Variants in IBTK observed in about 807,000 individuals in gnomAD.
The protein encoded by IBTK is BTK-binding protein.
Under a neutral mutation model 154.9 loss-of-function variants are expected in IBTK, and 83 were observed. The ratio of observed to expected loss-of-function variants is 0.54; its 90% confidence interval spans 0.45 to 0.64. The LOEUF (loss-of-function observed/expected upper bound fraction) is 0.64. IBTK is among the 30% of genes least tolerant of loss of function. The pLI, the probability that IBTK is intolerant of heterozygous loss-of-function variation, is 0.00. For synonymous variants in IBTK, 515 were observed against 536.1 expected (o/e 0.96, Z 0.54); for missense variants, 1,332 against 1,584.6 (o/e 0.84, Z 2.71).
At position 82,210,842 on chromosome 6, in the gene IBTK, G is replaced by C; in HGVS notation, c.2481C>G (p.Leu827=). The part of the protein sequence containing the change: ...SDILKVILDY[L]YTDEAVVIKE... ...TTATCACCACAGCTTCATCAGTATA[G>C]AGGTAGTCCAAAATAACTTTTAATA... Residue 827 remains leucine (L), a synonymous_variant, in exon 16 of 29, where the codon CTC becomes CTG. Transcript: ENST00000306270. 1 of 1,563,626 alleles carries C rather than the reference G, an allele frequency of 6.4e-7. No homozygotes were observed. Among genetic ancestry groups the C allele is most frequent in the Non-Finnish European group, 8.7e-7 (1 of 1,149,690 alleles).
intron 1 of IBTK, among the ~76,000 whole-genome samples, chr6:82,242,974 G>A (rs1295848484): frequency 6.6e-6 from 1 of 151,862 alleles, no homozygotes; most frequent in East Asian, 1.9e-4. Flanking sequence ...GGGCACGGTG[G>A]CTCATGCCTG....
At chr6:82,226,290 T>C (rs1459822979) in intron 5 of IBTK, among the ~76,000 whole-genome samples, 1 of 152,092 alleles carries the variant, frequency 6.6e-6, no homozygotes, top group Non-Finnish European at 1.5e-5. Context: ...TGGAACAAAA[T>C]AAACCCTCAA....
intron 2 of IBTK, among the ~76,000 whole-genome samples, chr6:82,239,936 G>C (rs1770878005): frequency 6.6e-6 from 1 of 152,118 alleles, no homozygotes; most frequent in Non-Finnish European, 1.5e-5. Flanking sequence ...TTGGCCAACA[G>C]TTCATTATAT....
At chr6:82,180,385 C>T (rs745741200) in intron 26 of IBTK, among the ~76,000 whole-genome samples, 2 of 152,002 alleles carry the variant, frequency 1.3e-5, no homozygotes, top group African/African-American at 2.4e-5. Flanking sequence ...GCTGGGACTA[C>T]GTGCACATGC....
At chr6:82,200,435 G>A (rs918037199) in intron 20 of IBTK, 152 bp downstream of exon 20, 14 of 781,244 alleles carry the variant, frequency 1.8e-5, no homozygotes, top group East Asian at 8.1e-5. Context: ...AAGAATGAGC[G>A]TAACTACCTA....
In IBTK at chr6:82,213,335, T is replaced by C. The variant is rs111698370; in HGVS notation, c.2205-542A>G. 5.4e-3 allele frequency among the ~76,000 whole-genome samples: 829 copies of C among 152,190 alleles called. 9 individuals carry two copies. Among genetic ancestry groups the C allele is most frequent in the African/African-American group, 0.019 (794 of 41,522 alleles). ...TGAGCCACCGCGCCCGGCCCCTTCA[T>C]TATTTTTAAACAGGAAACACGATAC... On this transcript the variant is annotated intron_variant, in intron 12 of 28. Coordinates refer to ENST00000306270, the MANE Select transcript of IBTK (RefSeq NM_015525.4).
In IBTK at chr6:82,181,854, A is replaced by G. The variant is rs758181381; in HGVS notation, c.3725+25T>C. 7 of 1,459,188 alleles carry G rather than the reference A, an allele frequency of 4.8e-6. No homozygotes were observed. In the Admixed American group the frequency reaches 1.2e-4, roughly 25 times the overall value. The allele number at this position is 1,459,188 out of a possible 1,614,324, so 90.4% of individuals were successfully genotyped here. ...CAGAATATTTTAAGGTAGAAAATGT[A>G]TTAGTTTTAAGTTTGTTTTATTACC... On this transcript the variant is annotated intron_variant, in intron 26 of 28. Transcript: ENST00000306270.
Position 82,214,573 on chromosome 6 carries a change from C to A in IBTK, c.1858G>T (p.Val620Leu), listed in dbSNP as rs1769794439. The change falls in exon 12 of 29, where the codon GTA becomes TTA. Residue 620 changes from valine to leucine, a missense_variant. Val to Leu is a conservative substitution (Grantham distance 32). This residue lies in a region of IBTK where 1,134 missense variants were observed against 1,274.7 expected (regional missense o/e 0.89). Transcript: ENST00000306270. Reference protein sequence around the residue: ...EDSAGCHLFVVEKVHPDMFEY... With the variant: ...EDSAGCHLFVLEKVHPDMFEY... ...AACATGTCAGGATGAACCTTCTCTA[C>A]CACAAAGAGATGGCACCCTGCAGAA... is the stretch of plus-strand genomic sequence containing the variant. 1.2e-6 allele frequency: 2 copies of A among 1,613,896 alleles called. No homozygotes were observed. The highest frequency in any genetic ancestry group is 2.2e-5 in the South Asian group (2 of 91,078).
chr6:82,220,598 C>T lies in IBTK; in HGVS notation c.1240G>A (p.Ala414Thr), dbSNP rs961295892. 6 of 1,610,380 alleles carry T rather than the reference C, an allele frequency of 3.7e-6. No individual in the cohort carries two copies. The highest frequency in any genetic ancestry group is 5.1e-6 in the Non-Finnish European group (6 of 1,178,812). The change falls in exon 9 of 29, where the codon GCT (alanine) becomes ACT (threonine). Residue 414 changes from alanine to threonine, a missense_variant. Around this residue, in one of 3 missense-constraint regions of IBTK, gnomAD observed 1,134 missense variants for 1,274.7 expected, o/e 0.89. Coordinates refer to ENST00000306270, the MANE Select transcript of IBTK (RefSeq NM_015525.4). ...QKICILAMDG[A>T]GRVFCWRSVN... The stretch of plus-strand genomic sequence containing the variant: ...CATAAACATGTACTTACCCTTCCAG[C>T]TCCATCCATTGCAAGAATGCAAATT...
intron 17 of IBTK, 142 bp from the exon 18 acceptor site, chr6:82,202,787 T>A: frequency 5.5e-6 from 3 of 547,782 alleles, no homozygotes; most frequent in Non-Finnish European, 9.6e-6. Context: ...AAGTTAATAC[T>A]GGGGCAAATA....
chr6:82,193,167 A>G (rs1768844930), intron 23 of IBTK, among the ~76,000 whole-genome samples: 1 of 152,062 alleles, frequency 6.6e-6, no homozygotes, highest in African/African-American at 2.4e-5. Context: ...TTCTTTCATC[A>G]AAAACAAATT....
At chr6:82,179,210 A>T (rs941944497) in intron 26 of IBTK, among the ~76,000 whole-genome samples, 2 of 152,210 alleles carry the variant, frequency 1.3e-5, no homozygotes, top group Non-Finnish European at 2.9e-5. Flanking sequence ...AGTAGACTGA[A>T]TATTTGTGAA....
intron 16 of IBTK, among the ~76,000 whole-genome samples, chr6:82,207,542 T>G (rs777785872): frequency 1.2e-4 from 18 of 152,204 alleles, no homozygotes; most frequent in Non-Finnish European, 2.2e-4. Context: ...GTGATTTGTA[T>G]TAAAATCCCA....
At chr6:82,218,288 A>C in intron 9 of IBTK, 151 bp from the exon 10 acceptor site, 1 of 467,416 alleles carries the variant, frequency 2.1e-6, no homozygotes. Context: ...AAAGATAGCT[A>C]CTATAAGAAA....
intron 3 of IBTK, among the ~76,000 whole-genome samples, chr6:82,233,285 C>T (rs1179686556): frequency 6.6e-6 from 1 of 152,096 alleles, no homozygotes; most frequent in African/African-American, 2.4e-5. Flanking sequence ...CGTGTTCTTG[C>T]CACTGCACTC....
chr6:82,189,659 A>T (rs1468175071), intron 25 of IBTK, among the ~76,000 whole-genome samples: 4 of 152,266 alleles, frequency 2.6e-5, no homozygotes, highest in African/African-American at 9.6e-5. Flanking sequence ...CCTGGAAAAG[A>T]CCCGGTTCAG....
intron 12 of IBTK, 138 bp downstream of exon 12, chr6:82,214,089 G>C (rs1165763447): frequency 2.8e-6 from 2 of 720,836 alleles, no homozygotes; most frequent in Admixed American, 2.9e-5. Context: ...CTGAGTAGCT[G>C]GGACTACAGG....
Position 82,201,422 on chromosome 6 carries a change from C to A in IBTK, c.2790G>T (p.Met930Ile), listed in dbSNP as rs202195033. Residue 930 changes from methionine (M) to isoleucine (I), a missense_variant and splice_region_variant, in exon 19 of 29, where the codon ATG (methionine) becomes ATT (isoleucine). Met to Ile is a conservative substitution (Grantham distance 10). This residue lies in a region of IBTK where 1,134 missense variants were observed against 1,274.7 expected (regional missense o/e 0.89). Coordinates refer to ENST00000306270, the MANE Select transcript of IBTK (RefSeq NM_015525.4). ...GAAAATCTTAAAACATAAACCTTAC[C>A]ATTTTCCGGTAAAACTCAGAAAGAT... ...LKDLSEFYRK[M>I]IPAMDRRVIT... is the part of the protein sequence containing the mutation. The A allele has an allele frequency of 1.9e-6, 3 of 1,605,648 alleles. No homozygotes were observed. Among genetic ancestry groups the A allele is most frequent in the Middle Eastern group, 1.7e-4 (1 of 6,038 alleles).
At chr6:82,182,113 A>G in intron 25 of IBTK, 85 bp from the exon 26 acceptor site, 1 of 1,331,820 alleles carries the variant, frequency 7.5e-7, no homozygotes, top group Non-Finnish European at 1.0e-6. Context: ...ATAAGAACGT[A>G]TACCAAAAAT....
Sources: gnomAD v4.1 joint callset for allele counts (sites outside exome capture counted in the v4.1 genomes callset) on GRCh38, gnomAD v4.1.1 for gene constraint, gnomAD v4.1.1 regional missense constraint, MANE v1.5 for transcripts, NCBI Gene and HGNC (gene_info 2026-07-23, HGNC 2026-07-21) for gene names.